NAALADL2: variants seen among roughly 807,000 people sequenced by gnomAD.
The protein encoded by NAALADL2 is N-acetylated alpha-linked acidic dipeptidase like 2.
A neutral mutation model predicts 87.2 loss-of-function variants in NAALADL2; 76 were observed. The ratio of observed to expected loss-of-function variants is 0.87; its 90% CI spans 0.72 to 1.05. The LOEUF is 1.05. NAALADL2 is among the 50% of genes least tolerant of loss of function. The probability of loss-of-function intolerance (pLI) is 0.00; values close to 1 mark genes in which losing one functional copy is unlikely to be tolerated. For synonymous variants in NAALADL2, 354 were observed against 331.0 expected (o/e 1.07, Z -0.75); for missense variants, 1,089 against 945.8 (o/e 1.15, Z -1.99).
intron 5 of NAALADL2, among the ~76,000 whole-genome samples, chr3:175,348,399 T>C (rs1763384064): frequency 6.6e-6 from 1 of 152,216 alleles, no homozygotes; most frequent in Non-Finnish European, 1.5e-5. Context: ...AGGATTACCA[T>C]AGACTTGTGT....
intron 1 of NAALADL2, among the ~76,000 whole-genome samples, chr3:174,525,847 T>TG (rs1448219695): frequency 6.6e-6 from 1 of 152,168 alleles, no homozygotes; most frequent in Non-Finnish European, 1.5e-5. Flanking sequence ...GATACCATTT[T>TG]GGGGGGCACC....
chr3:175,326,886 T>C (rs1704093479), intron 5 of NAALADL2, among the ~76,000 whole-genome samples: 1 of 152,186 alleles, frequency 6.6e-6, no homozygotes, highest in South Asian at 2.1e-4. Flanking sequence ...GGGGATCAAG[T>C]TTCCAACACA....
intron 2 of NAALADL2, among the ~76,000 whole-genome samples, chr3:175,153,201 T>C (rs1311727116): frequency 6.6e-6 from 1 of 152,196 alleles, no homozygotes; most frequent in African/African-American, 2.4e-5. Flanking sequence ...AAGGTTTACA[T>C]GTTTCAAATG....
chr3:174,921,961 C>G (rs1376701243), intron 1 of NAALADL2, among the ~76,000 whole-genome samples: 2 of 151,612 alleles, frequency 1.3e-5, no homozygotes, highest in African/African-American at 2.4e-5. Flanking sequence ...AGTACCTGTT[C>G]TTTTGTTTTG....
At chr3:175,779,200 A>G (rs1453508908) in intron 13 of NAALADL2, among the ~76,000 whole-genome samples, 1 of 152,096 alleles carries the variant, frequency 6.6e-6, no homozygotes, top group East Asian at 1.9e-4. Flanking sequence ...TAGGAATTTA[A>G]TCTCCTGCTT....
intron 10 of NAALADL2, among the ~76,000 whole-genome samples, chr3:175,612,239 T>C (rs1724745227): frequency 6.6e-6 from 1 of 152,158 alleles, no homozygotes; most frequent in East Asian, 1.9e-4. Flanking sequence ...GGAAGGACAG[T>C]TGGGACAGAT....
intron 3 of NAALADL2, among the ~76,000 whole-genome samples, chr3:174,821,431 A>G (rs752215522): frequency 3.5e-4 from 53 of 152,202 alleles, no homozygotes; most frequent in Non-Finnish European, 6.6e-4. Flanking sequence ...TTTAAACAGA[A>G]ACACTTGCTC....
At chr3:174,511,582 G>GTTT (rs1456969113) in intron 1 of NAALADL2, among the ~76,000 whole-genome samples, 1 of 150,912 alleles carries the variant, frequency 6.6e-6, no homozygotes, top group East Asian at 1.9e-4. Context: ...ATGGTAAATA[G>GTTT]TTTTTTTTAA....
chr3:174,986,340 T>A, intron 1 of NAALADL2, among the ~76,000 whole-genome samples: 1 of 148,428 alleles, frequency 6.7e-6, no homozygotes, highest in East Asian at 2.0e-4. Flanking sequence ...ATATATTCCA[T>A]AAGGATTATT....
intron 1 of NAALADL2, among the ~76,000 whole-genome samples, chr3:174,987,603 A>AAAAC (rs1746104505): frequency 7.1e-6 from 1 of 140,762 alleles, no homozygotes; most frequent in African/African-American, 2.7e-5. Flanking sequence ...AAAAAACAAT[A>AAAAC]CTCATCAGAG....
chr3:174,845,184 G>A (rs896259644), intron 3 of NAALADL2, among the ~76,000 whole-genome samples: 1 of 152,164 alleles, frequency 6.6e-6, no homozygotes, highest in African/African-American at 2.4e-5. Context: ...CTGACTGAAT[G>A]GCTGTGCAGG....
rs768742569 is a variant in NAALADL2, at chr3:175,324,228, T to C, written c.993T>C (p.Pro331=). 1.9e-6 allele frequency: 3 copies of C among 1,613,616 alleles called. No individual in the cohort carries two copies. Among genetic ancestry groups the C allele is most frequent in the South Asian group, 1.1e-5 (1 of 91,078 alleles). The part of the protein sequence containing the change: ...GFGGVLLYID[P]CDLPKTVNPS... ...GAGGTGTTCTTCTGTATATCGATCC[T>C]TGTGATTTGCCAAAGACTGTGAATC... The change falls in exon 5 of 14, where the codon CCT becomes CCC. Residue 331 remains proline (P), a synonymous_variant. Coordinates refer to ENST00000454872, the MANE Select transcript of NAALADL2 (RefSeq NM_207015.3).
In NAALADL2 at chr3:174,715,365, A is replaced by G. The variant is rs77796893; in HGVS notation, c.-114-22276A>G. 6.2e-3 allele frequency among the ~76,000 whole-genome samples: 941 copies of G among 152,258 alleles called. 6 individuals are homozygous for G. The highest frequency in any genetic ancestry group is 0.021 in the African/African-American group (892 of 41,556). ...TATATGTTAATTATTTGTGCTTCCA[A>G]TGTTTTACCAGACAGATTAAAATAA... On this transcript the variant is annotated intron_variant, in intron 2 of 3. Coordinates refer to the NAALADL2 transcript ENST00000434257.
chr3:175,502,337 A>G (rs7637591), intron 9 of NAALADL2, among the ~76,000 whole-genome samples: 22,697 of 151,928 alleles, frequency 0.15, 2,498 homozygotes, highest in African/African-American at 0.3. Flanking sequence ...TGCCTAATGT[A>G]TGTAACCCTC....
At chr3:174,957,291 G>A (rs528574734) in intron 1 of NAALADL2, among the ~76,000 whole-genome samples, 2 of 152,050 alleles carry the variant, frequency 1.3e-5, no homozygotes, top group South Asian at 4.1e-4. Flanking sequence ...ACAGCACAAT[G>A]AGTCAGAAGG....
chr3:175,438,765 A>G (rs545913498), intron 5 of NAALADL2, among the ~76,000 whole-genome samples: 1 of 152,270 alleles, frequency 6.6e-6, no homozygotes, highest in Admixed American at 6.6e-5. Flanking sequence ...TTATCCTTGC[A>G]CCACCAAGTT....
chr3:175,698,483 T>TTATATATTTA (rs1738472644), intron 11 of NAALADL2, among the ~76,000 whole-genome samples: 1 of 67,774 alleles, frequency 1.5e-5, no homozygotes, highest in Non-Finnish European at 2.8e-5. Flanking sequence ...GTATATATAT[T>TTATATATTTA]TATATATATA....
chr3:174,449,610 G>A (rs1197837488), intron 1 of NAALADL2, among the ~76,000 whole-genome samples: 1 of 152,050 alleles, frequency 6.6e-6, no homozygotes, highest in Non-Finnish European at 1.5e-5. Context: ...CAGTGTACAT[G>A]CATCTTAGTT....
intron 4 of NAALADL2, among the ~76,000 whole-genome samples, chr3:175,316,739 A>G (rs983671410): frequency 2.0e-5 from 3 of 152,160 alleles, no homozygotes; most frequent in Non-Finnish European, 2.9e-5. Context: ...CCAGAGTAGC[A>G]TATTTTTTCT....
Sources: gnomAD v4.1 joint callset for allele counts (sites outside exome capture counted in the v4.1 genomes callset) on GRCh38, gnomAD v4.1.1 for gene constraint, MANE v1.5 for transcripts, NCBI Gene and HGNC (gene_info 2026-07-23, HGNC 2026-07-21) for gene names.